IKZF3: variants seen among roughly 807,000 people sequenced by gnomAD.
IKZF3 encodes IKAROS family zinc finger 3.
IKZF3 carries 10 observed loss-of-function variants against 49.0 expected under a neutral mutation model. The ratio of observed to expected loss-of-function variants is 0.20; its 90% CI spans 0.13 to 0.35. The LOEUF (loss-of-function observed/expected upper bound fraction) is 0.35, where lower values mean the gene tolerates loss of function less well. Among genes scored for constraint, IKZF3 ranks in the 10% least tolerant of loss-of-function variants. The pLI is 1.00. For synonymous variants in IKZF3, 209 were observed against 228.2 expected (o/e 0.92, Z 0.76); for missense variants, 498 against 664.8 (o/e 0.75, Z 2.76).
At chr17:39,841,114 C>T (rs1346092263) in intron 1 of IKZF3, among the ~76,000 whole-genome samples, 3 of 151,822 alleles carry the variant, frequency 2.0e-5, no homozygotes, top group Non-Finnish European at 4.4e-5. Flanking sequence ...GAAGTCGAGG[C>T]TGCAGTGAGA....
At chr17:39,823,677 C>T (rs1397645818) in intron 3 of IKZF3, among the ~76,000 whole-genome samples, 2 of 152,176 alleles carry the variant, frequency 1.3e-5, no homozygotes, top group African/African-American at 2.4e-5. Context: ...CCAGCTGCAT[C>T]TAAAAGGGGC....
intron 6 of IKZF3, among the ~76,000 whole-genome samples, chr17:39,784,055 GTATTAGCTTGAAGAAC>G (rs2060813214): frequency 6.6e-6 from 1 of 152,216 alleles, no homozygotes; most frequent in Non-Finnish European, 1.5e-5. Context: ...CCTCATGCTT[GTATTAGCTTGAAGAAC>G]TATTGAAGAT....
chr17:39,861,216 A>C (rs1041041228), intron 1 of IKZF3, among the ~76,000 whole-genome samples: 10 of 152,232 alleles, frequency 6.6e-5, no homozygotes, highest in Non-Finnish European at 1.5e-4. Context: ...AAACACCTAC[A>C]TCAATAAATA....
At chr17:39,822,073 A>G (rs1382913786) in intron 3 of IKZF3, among the ~76,000 whole-genome samples, 2 of 152,210 alleles carry the variant, frequency 1.3e-5, no homozygotes, top group East Asian at 1.9e-4. Flanking sequence ...GGTGGACCAG[A>G]TAAGAGCCAT....
chr17:39,783,915 T>C (rs113812449), intron 6 of IKZF3, among the ~76,000 whole-genome samples: 14,105 of 151,822 alleles, frequency 0.093, 1,335 homozygotes, highest in African/African-American at 0.25. Context: ...GGTGACAGAG[T>C]GAGACTCTGT....
intron 3 of IKZF3, among the ~76,000 whole-genome samples, chr17:39,807,544 A>ATTTTTTT (rs890371023): frequency 2.2e-3 from 175 of 80,774 alleles, no homozygotes; most frequent in East Asian, 2.9e-3. Flanking sequence ...GACTATTTAA[A>ATTTTTTT]TTTTTTTTTT....
chr17:39,842,398 G>C (rs564286198), intron 1 of IKZF3, among the ~76,000 whole-genome samples: 1 of 152,172 alleles, frequency 6.6e-6, no homozygotes, highest in South Asian at 2.1e-4. Flanking sequence ...GCATGGTGGC[G>C]CATGCCTGTA....
intron 3 of IKZF3, among the ~76,000 whole-genome samples, chr17:39,796,599 G>A (rs2061169163): frequency 6.7e-6 from 1 of 148,786 alleles, no homozygotes; most frequent in Non-Finnish European, 1.5e-5. Context: ...GGAGAGCAGT[G>A]GTGTGATCTC....
intron 7 of IKZF3, among the ~76,000 whole-genome samples, chr17:39,767,173 T>G (rs924749113): frequency 2.6e-5 from 4 of 152,284 alleles, no homozygotes; most frequent in South Asian, 2.1e-4. Flanking sequence ...TTTGTCCCTT[T>G]CCTAACGTGT....
chr17:39,803,616 C>T (rs1205868989), intron 3 of IKZF3, among the ~76,000 whole-genome samples: 1 of 151,736 alleles, frequency 6.6e-6, no homozygotes, highest in Non-Finnish European at 1.5e-5. Context: ...CGGGTTCAAG[C>T]CATTCTCCTG....
intron 6 of IKZF3, chr17:39,778,373 T>C (rs78381754): frequency 6.0e-6 from 1 of 166,276 alleles, no homozygotes. Context: ...CTGTGCTCTG[T>C]ATTATCTGTT....
intron 3 of IKZF3, among the ~76,000 whole-genome samples, chr17:39,801,684 A>G (rs1408123982): frequency 6.6e-6 from 1 of 152,200 alleles, no homozygotes; most frequent in African/African-American, 2.4e-5. Context: ...ACATTTTTGC[A>G]TGTAAAGTAA....
intron 1 of IKZF3, among the ~76,000 whole-genome samples, chr17:39,848,595 T>C (rs1303459781): frequency 1.3e-5 from 2 of 152,194 alleles, no homozygotes; most frequent in Non-Finnish European, 1.5e-5. Flanking sequence ...TTGAAGTGGG[T>C]AACAGAGCTA....
At chr17:39,831,745 G>T (rs957005532) in intron 2 of IKZF3, among the ~76,000 whole-genome samples, 2 of 152,162 alleles carry the variant, frequency 1.3e-5, no homozygotes, top group African/African-American at 4.8e-5. Flanking sequence ...TTACAAAAAA[G>T]TTTGCAGACC....
chr17:39,819,132 T>C (rs1238521221), intron 3 of IKZF3, among the ~76,000 whole-genome samples: 1 of 152,246 alleles, frequency 6.6e-6, no homozygotes, highest in African/African-American at 2.4e-5. Context: ...ATATTTATTT[T>C]AAATTCCTAT....
intron 1 of IKZF3, chr17:39,835,125 A>G: frequency 2.2e-6 from 1 of 453,894 alleles, no homozygotes; most frequent in South Asian, 1.6e-5. Context: ...AGGGCTTGTA[A>G]GGCCCCTGTA....
chr17:39,836,297 A>C (rs560446370), intron 1 of IKZF3, among the ~76,000 whole-genome samples: 1 of 152,102 alleles, frequency 6.6e-6, no homozygotes, highest in South Asian at 2.1e-4. Flanking sequence ...GCTGCTGCCC[A>C]CTTGGGAGAA....
chr17:39,851,062 T>C (rs1391629105), intron 1 of IKZF3, among the ~76,000 whole-genome samples: 2 of 146,470 alleles, frequency 1.4e-5, no homozygotes, highest in African/African-American at 5.0e-5. Context: ...TATGTGTATA[T>C]ATATATATAG....
chr17:39,761,082 G>T lies in IKZF3; in HGVS notation c.*4708C>A, dbSNP rs2060172299. 1 of 151,914 alleles carries T rather than the reference G, an allele frequency of 6.6e-6. No individual in the cohort carries two copies. Among genetic ancestry groups the T allele is most frequent in the Non-Finnish European group, 1.5e-5 (1 of 67,958 alleles). The allele number at this position is 151,914 out of a possible 1,614,324, so 9.4% of individuals were successfully genotyped here. On this transcript the variant is annotated 3_prime_UTR_variant, in exon 8 of 8. Transcript: ENST00000346872. The stretch of plus-strand genomic sequence containing the variant: ...GTAGGAGGATTGTTTGAGCCTAGGA[G>T]ATCAAAATCTGAGGTCATTTTATAT...
Sources: gnomAD v4.1 joint callset for allele counts (sites outside exome capture counted in the v4.1 genomes callset) on GRCh38, gnomAD v4.1.1 for gene constraint, MANE v1.5 for transcripts, NCBI Gene and HGNC (gene_info 2026-07-23, HGNC 2026-07-21) for gene names.